The following TFDP1 variants were observed in gnomAD, a reference collection of about 807,000 sequenced individuals.
The protein encoded by TFDP1 is DRTF1-polypeptide 1.
TFDP1 carries 6 observed loss-of-function variants against 48.0 expected under a neutral mutation model. That is an observed-to-expected ratio of 0.13 (90% CI 0.07 to 0.25). TFDP1 has a LOEUF of 0.25. TFDP1 is among the 10% of genes least tolerant of loss of function. The pLI is 1.00. For synonymous variants in TFDP1, 201 were observed against 211.6 expected, an observed-to-expected ratio of 0.95 and a Z score of 0.44; for missense variants, 335 against 543.0, an observed-to-expected ratio of 0.62 and a Z score of 3.81.
At chr13:113,594,493 T>TGTGGTGTGCGCGGGTCC (rs1566636573) in intron 2 of TFDP1, among the ~76,000 whole-genome samples, 1 of 149,540 alleles carries the variant, frequency 6.7e-6, no homozygotes, top group African/African-American at 2.5e-5. Context: ...AGGTGACAGG[T>TGTGGTGTGCGCGGGTCC]ATGGTGTGCG....
intron 2 of TFDP1, chr13:113,586,060 C>T: frequency 4.2e-6 from 2 of 481,196 alleles, no homozygotes; most frequent in Non-Finnish European, 7.4e-6. Flanking sequence ...GCCTTGGATA[C>T]CACACTGCAG....
At position 113,607,175 on chromosome 13, in the gene TFDP1, A is replaced by G. The variant is rs2140373372; in HGVS notation, c.13-3821A>G. Among the ~76,000 whole-genome samples the G allele has an allele frequency of 6.6e-6, 1 of 152,350 alleles. No homozygotes were observed. The highest frequency in any genetic ancestry group is 2.4e-5 in the African/African-American group (1 of 41,590). On this transcript the variant is annotated intron_variant, in intron 2 of 11. Transcript: ENST00000375370. The surrounding 1 kb of genome is among the most constrained non-coding windows in gnomAD (Gnocchi z 5.2). ...AGGCTGGCCCCTGACAGAGCCGTGCAGGCGGCAGCGGCAGCACTGTTGCTG... is the reference window on the plus strand; with the variant it reads ...AGGCTGGCCCCTGACAGAGCCGTGCGGGCGGCAGCGGCAGCACTGTTGCTG...
chr13:113,591,088 T>C (rs545915840), intron 2 of TFDP1, among the ~76,000 whole-genome samples: 1 of 150,664 alleles, frequency 6.6e-6, no homozygotes, highest in South Asian at 2.1e-4. Flanking sequence ...CGGTGGCTCA[T>C]GCCTGTAATC....
chr13:113,634,098 G>C lies in TFDP1; in HGVS notation c.618+65G>C, dbSNP rs4150789. On this transcript the variant is annotated intron_variant, in intron 7 of 11. Transcript: ENST00000375370. ...AGTCCGTGTAGATGTTTTAGTCGTCGGTCACTCAGAAGGGTCTGGGCTCCG... is the reference window on the plus strand; with the variant it reads ...AGTCCGTGTAGATGTTTTAGTCGTCCGTCACTCAGAAGGGTCTGGGCTCCG... 8 of 1,609,740 alleles carry C rather than the reference G, an allele frequency of 5.0e-6. No homozygotes were observed. The African/African-American group carries it at 9.4e-5, about 19-fold the overall frequency.
intron 4 of TFDP1, among the ~76,000 whole-genome samples, chr13:113,630,894 G>A (rs1446205761): frequency 5.3e-5 from 8 of 152,322 alleles, no homozygotes; most frequent in Middle Eastern, 3.4e-3. Flanking sequence ...CCACACTGGC[G>A]TTGCCTCTGG....
chr13:113,602,417 G>A (rs1268629850), intron 2 of TFDP1, among the ~76,000 whole-genome samples: 4 of 152,136 alleles, frequency 2.6e-5, no homozygotes, highest in East Asian at 3.9e-4. Flanking sequence ...CAGGAGTCCC[G>A]TGCTGGGGCC....
At position 113,640,508 on chromosome 13, in the gene TFDP1, T is replaced by G; in HGVS notation, c.*241T>G. On this transcript the variant is annotated 3_prime_UTR_variant, in exon 12 of 12. Transcript: ENST00000375370. ...CGTTTATTTACTTGTTAGGATTTTG[T>G]GTTTTCATTTGCTATTTTTCTTTAA... 1.9e-6 allele frequency: 1 copy of G among 514,058 alleles called. No individual in the cohort carries two copies. Among genetic ancestry groups the G allele is most frequent in the Non-Finnish European group, 3.0e-6 (1 of 330,472 alleles). The allele number at this position is 514,058 out of a possible 1,614,324, so 31.8% of individuals were successfully genotyped here.
intron 4 of TFDP1, among the ~76,000 whole-genome samples, chr13:113,625,614 C>T (rs2049137709): frequency 8.5e-6 from 1 of 117,136 alleles, no homozygotes; most frequent in African/African-American, 3.6e-5. Flanking sequence ...CTTCAGGCGT[C>T]TCTCACGTGT....
Position 113,634,566 on chromosome 13 carries a change from A to G in TFDP1, c.651A>G (p.Lys217=), listed in dbSNP as rs980188366. The G allele has an allele frequency of 2.5e-6, 4 of 1,613,598 alleles. No individual in the cohort carries two copies. The highest frequency in any genetic ancestry group is 3.4e-6 in the Non-Finnish European group (4 of 1,179,872). The part of the protein sequence containing the change: ...VERQRRLERI[K]QKQSQLQELI... ...GACAGAGGAGACTTGAAAGAATAAA[A>G]CAGAAACAGTCTCAACTTCAAGAAC... The change falls in exon 8 of 12, where the codon AAA becomes AAG. Residue 217 remains lysine, a synonymous_variant. Coordinates refer to ENST00000375370, the MANE Select transcript of TFDP1 (RefSeq NM_007111.5).
At chr13:113,603,595 C>T (rs4150715) in intron 2 of TFDP1, among the ~76,000 whole-genome samples, 3 of 152,056 alleles carry the variant, frequency 2.0e-5, no homozygotes, top group Admixed American at 1.3e-4. Context: ...GCGTGTTTTA[C>T]GAACGTGTGT....
intron 3 of TFDP1, among the ~76,000 whole-genome samples, chr13:113,622,523 C>G (rs1169025083): frequency 6.6e-6 from 1 of 152,214 alleles, no homozygotes; most frequent in African/African-American, 2.4e-5. Context: ...CCGCTGATGC[C>G]AGTTTTTGAA....
chr13:113,625,484 T>C (rs1175844425), intron 4 of TFDP1, among the ~76,000 whole-genome samples: 8 of 85,122 alleles, frequency 9.4e-5, no homozygotes, highest in Non-Finnish European at 1.3e-4. Flanking sequence ...GTTTCTCAGG[T>C]GTCTCTCACG....
At chr13:113,585,104 G>A (rs148735850) in intron 1 of TFDP1, among the ~76,000 whole-genome samples, 59,249 of 146,436 alleles carry the variant, frequency 0.4, 12,507 homozygotes, top group African/African-American at 0.5. Context: ...GGGGTCCCGG[G>A]CCCGGCCCTC....
In TFDP1 at chr13:113,627,439, T is replaced by C. The variant is rs2049211736; in HGVS notation, c.186+4153T>C. On this transcript the variant is annotated intron_variant, in intron 4 of 11. Coordinates refer to ENST00000375370, the MANE Select transcript of TFDP1 (RefSeq NM_007111.5). The surrounding 1 kb of genome is among the most constrained non-coding windows in gnomAD (Gnocchi z 4.1). ...CAGAAGTCGGCATCTGTGGTCGCAG[T>C]GGCCTTTCCTTTGCAGCTGCGCCAC... Among the ~76,000 whole-genome samples, 1 of 152,204 alleles carries C rather than the reference T, an allele frequency of 6.6e-6. No homozygotes were observed.
At chr13:113,594,585 G>A (rs2048241208) in intron 2 of TFDP1, among the ~76,000 whole-genome samples, 1 of 151,512 alleles carries the variant, frequency 6.6e-6, no homozygotes, top group Non-Finnish European at 1.5e-5. Context: ...TGGTGTGCAT[G>A]AGTCCTCAGC....
intron 2 of TFDP1, 65 bp downstream of exon 2, chr13:113,585,914 T>C: frequency 6.5e-7 from 1 of 1,547,772 alleles, no homozygotes; most frequent in East Asian, 2.3e-5. Flanking sequence ...TGTAGTTCTC[T>C]GCCTTTATTT....
intron 1 of TFDP1, chr13:113,585,232 G>A (rs1477902668): frequency 3.3e-5 from 5 of 149,526 alleles, no homozygotes; most frequent in Non-Finnish European, 6.0e-5. Flanking sequence ...CCCCACGGCG[G>A]CCCGCGGGGA....
At chr13:113,602,826 G>T (rs1279276786) in intron 2 of TFDP1, among the ~76,000 whole-genome samples, 3 of 152,160 alleles carry the variant, frequency 2.0e-5, no homozygotes, top group Non-Finnish European at 4.4e-5. Flanking sequence ...CAGGGCCCCT[G>T]CTGGGCCGTT....
intron 10 of TFDP1, among the ~76,000 whole-genome samples, chr13:113,636,941 G>A (rs930265252): frequency 1.3e-5 from 2 of 152,174 alleles, no homozygotes; most frequent in African/African-American, 2.4e-5. Flanking sequence ...GGCTCGTGTG[G>A]ATTTCCTATG....
Sources: gnomAD v4.1 joint callset for allele counts (sites outside exome capture counted in the v4.1 genomes callset) on GRCh38, gnomAD v4.1.1 for gene constraint, Gnocchi (gnomAD v3.1) non-coding constraint, MANE v1.5 for transcripts, NCBI Gene and HGNC (gene_info 2026-07-23, HGNC 2026-07-21) for gene names.